Variants in DIP2B observed in about 807,000 individuals in gnomAD.
DIP2B encodes the protein DIP2 acetate--CoA ligase B (putative).
Under a neutral mutation model 198.0 loss-of-function variants are expected in DIP2B, and 76 were observed. The ratio of observed to expected loss-of-function variants is 0.38; its 90% CI spans 0.32 to 0.46. The LOEUF (loss-of-function observed/expected upper bound fraction) is 0.46, where lower values mean the gene tolerates loss of function less well. Among genes scored for constraint, DIP2B ranks in the 20% least tolerant of loss-of-function variants. The pLI, the probability that DIP2B is intolerant of heterozygous loss-of-function variation, is 0.99. For synonymous variants in DIP2B, 701 were observed against 739.1 expected (o/e 0.95, Z 0.84); for missense variants, 1,559 against 1,978.4 (o/e 0.79, Z 4.02).
chr12:50,669,033 C>T (rs1215755385), intron 4 of DIP2B, among the ~76,000 whole-genome samples: 2 of 152,136 alleles, frequency 1.3e-5, no homozygotes, highest in Non-Finnish European at 2.9e-5. Flanking sequence ...CTATTTATCT[C>T]TCCACCCTCA....
intron 19 of DIP2B, among the ~76,000 whole-genome samples, chr12:50,702,906 T>TA (rs1460302418): frequency 6.6e-6 from 1 of 152,144 alleles, no homozygotes; most frequent in Non-Finnish European, 1.5e-5. Flanking sequence ...ATAATGGGAT[T>TA]AATGTCTACT....
chr12:50,613,179 G>T (rs1959046036), intron 1 of DIP2B, among the ~76,000 whole-genome samples: 1 of 152,228 alleles, frequency 6.6e-6, no homozygotes. Flanking sequence ...GTCTCTCACA[G>T]TGTTGTGTCC....
Position 50,571,810 on chromosome 12 carries a change from G to A in DIP2B, c.101-54166G>A, listed in dbSNP as rs556168453. Reference sequence around the variant, plus strand: ...CTTGACCTCGTGATCCTCCTGCCTCGGCCTCCCAAAATGTGGGAATTACAG... The same window carrying A: ...CTTGACCTCGTGATCCTCCTGCCTCAGCCTCCCAAAATGTGGGAATTACAG... On this transcript the variant is annotated intron_variant, in intron 1 of 37. Coordinates refer to ENST00000301180, the MANE Select transcript of DIP2B (RefSeq NM_173602.3). Among the ~76,000 whole-genome samples, 6 of 152,018 alleles carry A rather than the reference G, an allele frequency of 3.9e-5. No individual in the cohort carries two copies. In the East Asian group the frequency reaches 7.7e-4, roughly 20 times the overall value.
At chr12:50,615,363 T>C (rs1325466417) in intron 1 of DIP2B, among the ~76,000 whole-genome samples, 1 of 152,184 alleles carries the variant, frequency 6.6e-6, no homozygotes, top group Non-Finnish European at 1.5e-5. Context: ...TTTACATATA[T>C]GCATTTTAAC....
chr12:50,690,262 A>G (rs1027404618), intron 12 of DIP2B, among the ~76,000 whole-genome samples: 2 of 151,982 alleles, frequency 1.3e-5, no homozygotes, highest in Non-Finnish European at 2.9e-5. Context: ...AATTTTTTGT[A>G]TTTTTAGTAG....
At chr12:50,621,563 C>T (rs1937811877) in intron 1 of DIP2B, among the ~76,000 whole-genome samples, 1 of 152,196 alleles carries the variant, frequency 6.6e-6, no homozygotes, top group South Asian at 2.1e-4. Flanking sequence ...GGGTGGGCTA[C>T]AGTGATAAAC....
rs778944984 is a variant in DIP2B at position 50,693,018 on chromosome 12, G to T, written c.1719+5G>T. 1 of 1,610,140 alleles carries T rather than the reference G, an allele frequency of 6.2e-7. No individual in the cohort carries two copies. The highest frequency in any genetic ancestry group is 1.3e-5 in the African/African-American group (1 of 74,606). On this transcript the variant is annotated splice_donor_5th_base_variant and intron_variant, in intron 14 of 37. Coordinates refer to ENST00000301180, the MANE Select transcript of DIP2B (RefSeq NM_173602.3). ...CTGTGGCACGGCATGTTTGCGGTAAGCTACTCAGATTTAAGGCCCTTAGTG... is the reference window on the plus strand; with the variant it reads ...CTGTGGCACGGCATGTTTGCGGTAATCTACTCAGATTTAAGGCCCTTAGTG...
Position 50,660,187 on chromosome 12 carries a change from T to G in DIP2B, c.302-7T>G. On this transcript the variant is annotated splice_polypyrimidine_tract_variant and splice_region_variant and intron_variant, in intron 3 of 37. Coordinates refer to ENST00000301180, the MANE Select transcript of DIP2B (RefSeq NM_173602.3). The stretch of plus-strand genomic sequence containing the variant: ...AAGCTAATAAATGCAAATGTTTGCT[T>G]TTTCAGATATCCACACAGAAGCAGT... 1 of 1,602,254 alleles carries G rather than the reference T, an allele frequency of 6.2e-7. No individual in the cohort carries two copies. The highest frequency in any genetic ancestry group is 8.5e-7 in the Non-Finnish European group (1 of 1,173,796).
At chr12:50,625,866 C>T (rs1937924035) in intron 1 of DIP2B, 110 bp from the exon 2 acceptor site, 1 of 1,138,292 alleles carries the variant, frequency 8.8e-7, no homozygotes, top group Non-Finnish European at 1.3e-6. Context: ...CCCCAACCCC[C>T]TGCCTCTATA....
chr12:50,527,917 G>A (rs1958180853), intron 1 of DIP2B, among the ~76,000 whole-genome samples: 1 of 149,762 alleles, frequency 6.7e-6, no homozygotes. Context: ...CATTAGAGAT[G>A]GAAATTCCTT....
intron 1 of DIP2B, among the ~76,000 whole-genome samples, chr12:50,518,422 C>G (rs567318120): frequency 8.5e-5 from 13 of 152,116 alleles, no homozygotes; most frequent in Non-Finnish European, 1.8e-4. Flanking sequence ...TGGACTTTCA[C>G]CATGTTGGCC....
chr12:50,585,895 A>G (rs1327666950), intron 1 of DIP2B, among the ~76,000 whole-genome samples: 1 of 152,218 alleles, frequency 6.6e-6, no homozygotes, highest in Admixed American at 6.5e-5. Flanking sequence ...AAATGAATGT[A>G]TCTATCACTA....
intron 10 of DIP2B, among the ~76,000 whole-genome samples, chr12:50,684,722 G>A (rs1483085380): frequency 2.6e-5 from 4 of 152,070 alleles, no homozygotes; most frequent in Non-Finnish European, 4.4e-5. Context: ...AACCCGGGAG[G>A]TGGAGTTTGC....
intron 4 of DIP2B, among the ~76,000 whole-genome samples, chr12:50,670,502 G>A (rs947492746): frequency 1.3e-5 from 2 of 151,968 alleles, no homozygotes; most frequent in African/African-American, 4.8e-5. Context: ...CGAAACCTCT[G>A]CCTCCGAGGT....
chr12:50,563,648 A>G (rs1472571002), intron 1 of DIP2B, among the ~76,000 whole-genome samples: 1 of 151,834 alleles, frequency 6.6e-6, no homozygotes, highest in African/African-American at 2.4e-5. Flanking sequence ...GGTGTGGGCC[A>G]CCATACCTGG....
intron 1 of DIP2B, among the ~76,000 whole-genome samples, chr12:50,556,243 T>C (rs1427475682): frequency 6.6e-6 from 1 of 151,536 alleles, no homozygotes; most frequent in East Asian, 2.0e-4. Context: ...AGAGACGGAG[T>C]TTTACCACAT....
chr12:50,710,031 C>T (rs1478945542), intron 22 of DIP2B, among the ~76,000 whole-genome samples: 1 of 152,108 alleles, frequency 6.6e-6, no homozygotes, highest in Non-Finnish European at 1.5e-5. Flanking sequence ...GGACCACTTC[C>T]TCTCAATTAA....
intron 1 of DIP2B, among the ~76,000 whole-genome samples, chr12:50,593,632 T>C (rs1958838896): frequency 2.0e-5 from 3 of 149,602 alleles, no homozygotes; most frequent in East Asian, 2.0e-4. Context: ...AGGCCACAAG[T>C]AGAGATGAGA....
At position 50,698,464 on chromosome 12, in the gene DIP2B, G is replaced by T; in HGVS notation, c.2185G>T (p.Gly729Cys). 1 of 1,611,638 alleles carries T rather than the reference G, an allele frequency of 6.2e-7. No homozygotes were observed. The highest frequency in any genetic ancestry group is 8.5e-7 in the Non-Finnish European group (1 of 1,178,958). Residue 729 changes from glycine to cysteine, a missense_variant, in exon 18 of 38, where the codon GGT (glycine) becomes TGT (cysteine). By Grantham distance (159) the Gly-to-Cys change is radical (BLOSUM62 -3). Coordinates refer to ENST00000301180, the MANE Select transcript of DIP2B (RefSeq NM_173602.3). ...TVQDVGHVMP[G>C]GMMCIVKPDG... is the part of the protein sequence containing the mutation. ...CCAGGATGTAGGGCATGTAATGCCT[G>T]GTGGTGAGTCGCAAGGAGCATCATT...
Sources: gnomAD v4.1 joint callset for allele counts (sites outside exome capture counted in the v4.1 genomes callset) on GRCh38, gnomAD v4.1.1 for gene constraint, MANE v1.5 for transcripts, NCBI Gene and HGNC (gene_info 2026-07-23, HGNC 2026-07-21) for gene names.